CHN2: variants seen among roughly 807,000 people sequenced by gnomAD.
CHN2 encodes chimerin 2.
A neutral mutation model predicts 56.3 loss-of-function variants in CHN2; 35 were observed. That is an observed-to-expected ratio of 0.62 (90% confidence interval 0.47 to 0.82). CHN2 has a LOEUF of 0.82. CHN2 is among the 40% of genes least tolerant of loss of function. CHN2 has a pLI of 0.00. For synonymous variants in CHN2, 210 were observed against 212.8 expected (o/e 0.99, Z 0.12); for missense variants, 491 against 580.5 (o/e 0.85, Z 1.58).
rs2023909 is a variant in CHN2 at position 29,212,250 on chromosome 7, T to C, written c.49+17260T>C. ...GAAAAGTCTTAAAGCTGCCTTAACC[T>C]TTTTTCCAGTCCACCTCTTAAATTT... is the stretch of plus-strand genomic sequence containing the variant. On this transcript the variant is annotated intron_variant, in intron 1 of 12. Coordinates refer to ENST00000222792, the MANE Select transcript of CHN2 (RefSeq NM_004067.4). The C allele has an allele frequency of 3.1e-3, 2,706 of 863,846 alleles. 52 individuals carry two copies. In the African/African-American group the frequency reaches 0.039, roughly 12 times the overall value. 53.5% of individuals were successfully genotyped at this position (863,846 alleles called of 1,614,324 possible). A position where few individuals can be genotyped will look rare whatever the true frequency, so the allele number is the denominator to read the frequency against.
intron 1 of CHN2, among the ~76,000 whole-genome samples, chr7:29,308,422 T>C (rs1410754538): frequency 6.6e-6 from 1 of 151,820 alleles, no homozygotes; most frequent in African/African-American, 2.4e-5. Context: ...TTTAAAACAA[T>C]AAAGCACGTG....
chr7:29,249,505 A>G (rs536219167), intron 1 of CHN2, among the ~76,000 whole-genome samples: 4 of 152,252 alleles, frequency 2.6e-5, no homozygotes, highest in African/African-American at 9.6e-5. Flanking sequence ...CTCTAGAAAC[A>G]CCTTCACAGA....
chr7:29,189,483 AGCAG>A (rs1381694760), intron 2 of CHN2, among the ~76,000 whole-genome samples: 2 of 152,190 alleles, frequency 1.3e-5, no homozygotes, highest in East Asian at 3.9e-4. Flanking sequence ...TTTTGCCCAG[AGCAG>A]GCTTACAGCT....
Position 29,263,895 on chromosome 7 carries a change from C to T in CHN2, c.49+68905C>T, listed in dbSNP as rs560480200. On this transcript the variant is annotated intron_variant, in intron 1 of 12. Coordinates refer to ENST00000222792, the MANE Select transcript of CHN2 (RefSeq NM_004067.4). The stretch of plus-strand genomic sequence containing the variant: ...GCCGCCCCATCTGGGAAGTGAGGAG[C>T]GTCTCCGCCCGGCAGCCTCCCTGTC... 4.7e-5 allele frequency among the ~76,000 whole-genome samples: 7 copies of T among 150,184 alleles called. No homozygotes were observed. In the East Asian group the frequency reaches 8.2e-4, roughly 18 times the overall value.
At chr7:29,343,667 T>G (rs1797213789) in intron 1 of CHN2, among the ~76,000 whole-genome samples, 1 of 152,076 alleles carries the variant, frequency 6.6e-6, no homozygotes. Context: ...TCTTGGGGTT[T>G]CTCTCCTATC....
At chr7:29,152,760 G>A (rs967402724) in intron 2 of CHN2, among the ~76,000 whole-genome samples, 12 of 152,196 alleles carry the variant, frequency 7.9e-5, no homozygotes, top group African/African-American at 2.9e-4. Flanking sequence ...CTCTTTCGGT[G>A]CACCCCATTG....
chr7:29,253,165 G>A (rs904584302), intron 1 of CHN2, among the ~76,000 whole-genome samples: 5 of 152,166 alleles, frequency 3.3e-5, no homozygotes, highest in African/African-American at 9.7e-5. Context: ...CACATAATAA[G>A]ATGTGCTGAG....
At chr7:29,368,178 A>G (rs1799322384) in intron 3 of CHN2, among the ~76,000 whole-genome samples, 191 bp downstream of exon 3, 1 of 152,188 alleles carries the variant, frequency 6.6e-6, no homozygotes, top group Non-Finnish European at 1.5e-5. Context: ...TAACAAACCA[A>G]CTTGGACTCA....
rs989217664 is a variant in CHN2 at position 29,451,571 on chromosome 7, A to G, written c.577-28708A>G. ...TAAATTTGTAATTAATTACAAATTTATTAATTAATCACAATATATTACGTT... is the reference window on the plus strand; with the variant it reads ...TAAATTTGTAATTAATTACAAATTTGTTAATTAATCACAATATATTACGTT... On this transcript the variant is annotated intron_variant, in intron 6 of 12. Transcript: ENST00000222792. Among the ~76,000 whole-genome samples the G allele has an allele frequency of 3.0e-5, 4 of 132,456 alleles. No individual in the cohort carries two copies. In the East Asian group the frequency reaches 8.5e-4, roughly 28 times the overall value. 86.9% of individuals were successfully genotyped at this position (132,456 alleles called of 152,430 possible).
chr7:29,291,689 T>C (rs1439276145), intron 1 of CHN2, among the ~76,000 whole-genome samples: 3 of 152,198 alleles, frequency 2.0e-5, no homozygotes, highest in Non-Finnish European at 2.9e-5. Flanking sequence ...TAATAAACCA[T>C]GCTGCAATGA....
chr7:29,339,045 A>G (rs1258594324), intron 1 of CHN2, among the ~76,000 whole-genome samples: 1 of 152,212 alleles, frequency 6.6e-6, no homozygotes, highest in Admixed American at 6.5e-5. Flanking sequence ...ATACTATTGG[A>G]TTACTCAGTT....
rs182553259 is a variant in CHN2 at position 29,217,371 on chromosome 7, G to A, written c.49+22381G>A. Among the ~76,000 whole-genome samples, 855 of 152,270 alleles carry A rather than the reference G, an allele frequency of 5.6e-3. 4 individuals are homozygous for A. Among genetic ancestry groups the A allele is most frequent in the Non-Finnish European group, 7.8e-3 (533 of 68,030 alleles). ...CCTTAGCTTCAGCAGCCTATCTGGA[G>A]ACTACTCAAGGGCTCTTTATCAGTC... On this transcript the variant is annotated intron_variant, in intron 1 of 12. Coordinates refer to ENST00000222792, the MANE Select transcript of CHN2 (RefSeq NM_004067.4).
At chr7:29,344,139 G>T (rs1456771785) in intron 1 of CHN2, among the ~76,000 whole-genome samples, 2 of 152,056 alleles carry the variant, frequency 1.3e-5, no homozygotes, top group East Asian at 3.9e-4. Context: ...TGTCCTTCAA[G>T]TCCATCCCAT....
intron 1 of CHN2, chr7:29,195,583 T>C (rs1005933264): frequency 1.6e-5 from 2 of 124,844 alleles, no homozygotes; most frequent in African/African-American, 6.3e-5. Flanking sequence ...CCTCTGACTC[T>C]TGGCACATTT....
rs1254933580 is a variant in CHN2 at position 29,304,001 on chromosome 7, A to G, written c.50-50624A>G. ...CTTGAACCCAGGAGGCGGAGATTGC[A>G]GTGAGCCGAGATCGTGCCACTGCAC... On this transcript the variant is annotated intron_variant, in intron 1 of 12. Transcript: ENST00000222792. 2.0e-5 allele frequency among the ~76,000 whole-genome samples: 3 copies of G among 152,122 alleles called. No individual in the cohort carries two copies. In the East Asian group the frequency reaches 5.8e-4, roughly 29 times the overall value.
intron 1 of CHN2, among the ~76,000 whole-genome samples, chr7:29,338,976 CAA>C (rs1362825282): frequency 6.6e-6 from 1 of 152,140 alleles, no homozygotes; most frequent in African/African-American, 2.4e-5. Context: ...TGATATCTGT[CAA>C]AATTATCTTT....
intron 3 of CHN2, among the ~76,000 whole-genome samples, chr7:29,368,264 T>C (rs1354890763): frequency 2.0e-5 from 3 of 152,162 alleles, no homozygotes; most frequent in Non-Finnish European, 4.4e-5. Flanking sequence ...GTATTCTGGA[T>C]GTTTTCTTTG....
chr7:29,360,318 T>G (rs568746597), intron 2 of CHN2, among the ~76,000 whole-genome samples: 45 of 152,232 alleles, frequency 3.0e-4, no homozygotes, highest in African/African-American at 1.1e-3. Flanking sequence ...GGTTGGGAGT[T>G]CGAGACCAGC....
intron 6 of CHN2, among the ~76,000 whole-genome samples, chr7:29,423,595 G>T (rs1430865098): frequency 6.6e-6 from 1 of 152,224 alleles, no homozygotes; most frequent in African/African-American, 2.4e-5. Flanking sequence ...CAGGAAGGAC[G>T]AAATCTCAGG....
Sources: gnomAD v4.1 joint callset for allele counts (sites outside exome capture counted in the v4.1 genomes callset) on GRCh38, gnomAD v4.1.1 for gene constraint, MANE v1.5 for transcripts, NCBI Gene and HGNC (gene_info 2026-07-23, HGNC 2026-07-21) for gene names.